The following C1QTNF6 variants were observed in gnomAD, a reference collection of about 807,000 sequenced individuals.
C1QTNF6 encodes C1q and TNF related 6.
In C1QTNF6, 17 loss-of-function variants were observed where a neutral mutation model predicts 20.7. The ratio of observed to expected loss-of-function variants is 0.82; its 90% CI spans 0.56 to 1.23. The LOEUF (loss-of-function observed/expected upper bound fraction) is 1.23, where lower values mean the gene tolerates loss of function less well. Among genes scored for constraint, C1QTNF6 ranks in the 50% most tolerant of loss-of-function variants. The pLI is 0.00. For synonymous variants in C1QTNF6, 130 were observed against 156.3 expected (o/e 0.83, Z 1.25); for missense variants, 329 against 389.7 (o/e 0.84, Z 1.31).
In C1QTNF6 at chr22:37,188,149, C is replaced by G; in HGVS notation, c.51+14G>C. On this transcript the variant is annotated intron_variant, in intron 1 of 2. Transcript: ENST00000337843. ...ACCCCAGCCCCCAAGCTTGAGGAGCCTCTGGTCACTCACCCTGTGTCCTGT... is the reference window on the plus strand; with the variant it reads ...ACCCCAGCCCCCAAGCTTGAGGAGCGTCTGGTCACTCACCCTGTGTCCTGT... The G allele has an allele frequency of 6.2e-7, 1 of 1,604,492 alleles. No homozygotes were observed. The highest frequency in any genetic ancestry group is 2.3e-5 in the East Asian group (1 of 43,864).
intron 1 of C1QTNF6, chr22:37,196,769 G>A (rs540355110): frequency 1.3e-5 from 2 of 152,344 alleles, no homozygotes; most frequent in Non-Finnish European, 2.9e-5. Flanking sequence ...GGGGAGTGGG[G>A]ATATATTTAA....
intron 2 of C1QTNF6, chr22:37,195,298 G>A (rs943183013): frequency 6.6e-6 from 1 of 152,208 alleles, no homozygotes; most frequent in African/African-American, 2.4e-5. Flanking sequence ...CCTTCACTAA[G>A]AGGGGCCTTT....
Position 37,185,423 on chromosome 22 carries a change from G to C in C1QTNF6, c.84C>G (p.Val28=). 6.2e-7 allele frequency: 1 copy of C among 1,609,968 alleles called. No individual in the cohort carries two copies. The highest frequency in any genetic ancestry group is 8.5e-7 in the Non-Finnish European group (1 of 1,177,710). The change falls in exon 2 of 3, where the codon GTC becomes GTG. Residue 28 remains valine, a synonymous_variant. Coordinates refer to ENST00000337843, the MANE Select transcript of C1QTNF6 (RefSeq NM_031910.4). ...VTMGTAALGP[V]WAALLLFLLM... is the part of the protein sequence containing the mutation. The stretch of plus-strand genomic sequence containing the variant: ...GGAGAAAGAGCAGGAGCGCTGCCCA[G>C]ACGGGACCCAGGGCGGCTGTCCCCA...
upstream of C1QTNF6, among the ~76,000 whole-genome samples, chr22:37,198,837 G>A (rs1437252303): frequency 7.3e-6 from 1 of 137,894 alleles, no homozygotes; most frequent in Non-Finnish European, 1.5e-5. Context: ...TTCCTCCCAC[G>A]AGGAGAGCCC....
At chr22:37,199,082 C>T (rs1161273663), upstream of C1QTNF6, among the ~76,000 whole-genome samples, 4 of 152,226 alleles carry the variant, frequency 2.6e-5, no homozygotes, top group African/African-American at 9.6e-5. Flanking sequence ...GGAGGGGAAA[C>T]CGAGACTCAG....
intron 2 of C1QTNF6, 125 bp downstream of exon 2, chr22:37,185,093 A>G: frequency 1.4e-6 from 2 of 1,439,468 alleles, no homozygotes; most frequent in Non-Finnish European, 1.8e-6. Flanking sequence ...CCAGGCTCAC[A>G]TTGGGGCTCA....
At chr22:37,199,091 A>G (rs990083203), upstream of C1QTNF6, among the ~76,000 whole-genome samples, 2 of 152,178 alleles carry the variant, frequency 1.3e-5, no homozygotes, top group African/African-American at 4.8e-5. Context: ...ACCGAGACTC[A>G]GGGACACTGA....
intron 1 of C1QTNF6, among the ~76,000 whole-genome samples, chr22:37,186,389 T>C (rs1345846590): frequency 2.6e-5 from 4 of 152,192 alleles, no homozygotes; most frequent in African/African-American, 9.6e-5. Context: ...CCAGAAGCCC[T>C]GCAGGGAGGG....
intron 1 of C1QTNF6, chr22:37,186,135 TG>T (rs1317894218): frequency 1.0e-6 from 1 of 985,336 alleles, no homozygotes; most frequent in Non-Finnish European, 1.2e-6. Context: ...GCGGTGATGG[TG>T]TCATTGCATC....
chr22:37,185,056 C>T (rs149410366), intron 2 of C1QTNF6, among the ~76,000 whole-genome samples, 162 bp downstream of exon 2: 9 of 151,952 alleles, frequency 5.9e-5, no homozygotes, highest in East Asian at 1.9e-4. Flanking sequence ...GGTTTGTTCA[C>T]GCTCCGTCAT....
chr22:37,185,751 C>T, intron 1 of C1QTNF6: 1 of 1,071,760 alleles, frequency 9.3e-7, no homozygotes, highest in Non-Finnish European at 1.1e-6. Context: ...CCTCTGAAAA[C>T]AGCCACAGCT....
upstream of C1QTNF6, chr22:37,188,293 G>A (rs890743506): frequency 3.7e-6 from 5 of 1,364,506 alleles, no homozygotes; most frequent in African/African-American, 5.8e-5. Context: ...AGGAGGGAGA[G>A]AGGAGGGGAT....
At chr22:37,187,716 G>A (rs928703693) in intron 1 of C1QTNF6, among the ~76,000 whole-genome samples, 20 of 152,254 alleles carry the variant, frequency 1.3e-4, no homozygotes, top group South Asian at 4.1e-4. Flanking sequence ...AAGGCTGTGA[G>A]ACACAGAACC....
At chr22:37,197,319 A>G (rs1217878558) in intron 1 of C1QTNF6, 4 of 152,184 alleles carry the variant, frequency 2.6e-5, no homozygotes, top group Non-Finnish European at 4.4e-5. Flanking sequence ...CCCTGCTTCT[A>G]AGGGAAAAGG....
upstream of C1QTNF6, chr22:37,188,302 A>ATGGAGGGAGAGAGGAGGGGC: frequency 1.2e-6 from 1 of 823,380 alleles, no homozygotes; most frequent in Non-Finnish European, 1.7e-6. Context: ...AGAGGAGGGG[A>ATGGAGGGAGAGAGGAGGGGC]TGGAGGGAGA....
At position 37,182,407 on chromosome 22, in the gene C1QTNF6, G is replaced by C. The variant is rs139810041; in HGVS notation, c.618C>G (p.Tyr206Ter). Residue 206 changes from tyrosine to a stop codon, truncating the protein, a stop_gained, in exon 3 of 3, where the codon TAC (tyrosine) becomes TAG (stop). Coordinates refer to ENST00000337843, the MANE Select transcript of C1QTNF6 (RefSeq NM_031910.4). LOFTEE classifies it high-confidence loss of function. The part of the protein sequence containing the change: ...NVHSWNYKET[Y>*]VHIMHNQKEA... ...CTTTCTGGTTATGCATAATGTGCAC[G>C]TACGTCTCCTTGTAATTCCAGCTGT... 1 of 1,614,228 alleles carries C rather than the reference G, an allele frequency of 6.2e-7. No homozygotes were observed.
In C1QTNF6 at chr22:37,194,691, A is replaced by C. The variant is rs557491592; in HGVS notation, n.224+690T>G. ...CCAAATTAACATTTTCCATTCCAGG[A>C]GACTAGCCACCCCACTCAGTGCCCA... is the stretch of plus-strand genomic sequence containing the variant. On this transcript the variant is annotated intron_variant and non_coding_transcript_variant, in intron 2 of 4. Coordinates refer to the C1QTNF6 transcript ENST00000467564. Among the ~76,000 whole-genome samples the C allele has an allele frequency of 1.1e-4, 16 of 152,310 alleles. 1 individual carries two copies. The South Asian group carries it at 3.3e-3, about 32-fold the overall frequency.
At chr22:37,192,569 C>T (rs1924886803), upstream of C1QTNF6, among the ~76,000 whole-genome samples, 1 of 152,138 alleles carries the variant, frequency 6.6e-6, no homozygotes, top group African/African-American at 2.4e-5. Context: ...ATCTGACCTG[C>T]CTAATTTAGA....
chr22:37,193,044 T>C (rs921222113), upstream of C1QTNF6, among the ~76,000 whole-genome samples: 2 of 152,120 alleles, frequency 1.3e-5, no homozygotes, highest in African/African-American at 4.8e-5. Context: ...TATCTTTCAA[T>C]GGAGGGTGGG....
Sources: gnomAD v4.1 joint callset for allele counts (sites outside exome capture counted in the v4.1 genomes callset) on GRCh38, gnomAD v4.1.1 for gene constraint, MANE v1.5 for transcripts, NCBI Gene and HGNC (gene_info 2026-07-23, HGNC 2026-07-21) for gene names.